The following ADTRP variants were observed in gnomAD, a reference collection of about 807,000 sequenced individuals.
ADTRP encodes the protein androgen-dependent TFPI-regulating protein.
ADTRP carries 20 observed loss-of-function variants against 27.0 expected under a neutral mutation model. The ratio of observed to expected loss-of-function variants is 0.74; its 90% confidence interval spans 0.52 to 1.08. The LOEUF (loss-of-function observed/expected upper bound fraction) is 1.08, where lower values mean the gene tolerates loss of function less well. Ranked by LOEUF, ADTRP falls within the 50% of genes least tolerant of loss-of-function variation. The pLI is 0.00. For missense variants in ADTRP, 251 were observed against 275.0 expected, an observed-to-expected ratio of 0.91 and a Z score of 0.62; for synonymous variants, 101 against 105.2, an observed-to-expected ratio of 0.96 and a Z score of 0.25.
At chr6:11,768,226 A>G in intron 2 of ADTRP, 23 bp downstream of exon 2, 1 of 1,613,804 alleles carries the variant, frequency 6.2e-7, no homozygotes, top group Non-Finnish European at 8.5e-7. Context: ...CTGTTAGATT[A>G]TGTACACATC....
At chr6:11,718,818 C>A (rs557073533) in intron 5 of ADTRP, among the ~76,000 whole-genome samples, 3 of 152,318 alleles carry the variant, frequency 2.0e-5, no homozygotes, top group East Asian at 1.9e-4. Flanking sequence ...CCCTGAGGAA[C>A]CTCTTGTGAG....
chr6:11,743,736 A>G lies in ADTRP; in HGVS notation c.391-8053T>C, dbSNP rs554682479. On this transcript the variant is annotated intron_variant, in intron 3 of 5. Transcript: ENST00000414691. ...CTGGCCACTTAACATCAGTGACATT[A>G]ATGAACGAATCAATGAAACAAAGTG... is the stretch of plus-strand genomic sequence containing the variant. Among the ~76,000 whole-genome samples the G allele has an allele frequency of 1.4e-4, 22 of 152,322 alleles. No individual in the cohort carries two copies. The South Asian group carries it at 1.4e-3, about 10-fold the overall frequency.
intron 3 of ADTRP, among the ~76,000 whole-genome samples, chr6:11,760,925 G>A (rs1438492427): frequency 2.0e-5 from 3 of 152,138 alleles, no homozygotes; most frequent in Non-Finnish European, 4.4e-5. Flanking sequence ...TGTCCCTGAA[G>A]AGGTGACTTT....
chr6:11,725,691 A>G (rs1220255869), intron 4 of ADTRP, among the ~76,000 whole-genome samples: 1 of 152,144 alleles, frequency 6.6e-6, no homozygotes, highest in Admixed American at 6.5e-5. Context: ...TACACACCCA[A>G]AAGAACTGAA....
In ADTRP at chr6:11,745,102, G is replaced by C. The variant is rs210928; in HGVS notation, c.391-9419C>G. ...TCTAAAGGGATGTGCAGGCTGTTTT[G>C]TGAGAATGGCATCTACTCATTGGTG... On this transcript the variant is annotated intron_variant, in intron 3 of 5. Coordinates refer to ENST00000414691, the MANE Select transcript of ADTRP (RefSeq NM_032744.4). Among the ~76,000 whole-genome samples, 919 of 152,202 alleles carry C rather than the reference G, an allele frequency of 6.0e-3. 27 individuals carry two copies. The highest frequency in any genetic ancestry group is 0.043 in the Admixed American group (663 of 15,288).
chr6:11,734,717 C>G (rs957852349), intron 4 of ADTRP, among the ~76,000 whole-genome samples: 1 of 152,158 alleles, frequency 6.6e-6, no homozygotes, highest in African/African-American at 2.4e-5. Flanking sequence ...CTCTCTCTCT[C>G]TCTCTCTGCG....
intron 3 of ADTRP, 89 bp downstream of exon 3, chr6:11,766,185 G>T: frequency 1.1e-6 from 1 of 952,196 alleles, no homozygotes; most frequent in Non-Finnish European, 1.6e-6. Context: ...TGGGAATTGA[G>T]ACATTTGGAA....
chr6:11,770,212 G>A (rs749250517), intron 1 of ADTRP: 34 of 833,336 alleles, frequency 4.1e-5, no homozygotes, highest in Admixed American at 2.1e-4. Context: ...ACAAACCACC[G>A]CTGCCTGGTT....
intron 3 of ADTRP, among the ~76,000 whole-genome samples, chr6:11,753,531 CTGA>C (rs1305104301): frequency 2.0e-5 from 3 of 152,130 alleles, no homozygotes; most frequent in African/African-American, 7.2e-5. Context: ...TTCTGTGATC[CTGA>C]TGATATTTTA....
intron 1 of ADTRP, among the ~76,000 whole-genome samples, chr6:11,775,487 T>C (rs999999500): frequency 5.3e-5 from 8 of 151,830 alleles, no homozygotes; most frequent in African/African-American, 9.7e-5. Context: ...ATCCCAGAGA[T>C]CGCAATTGTA....
intron 3 of ADTRP, among the ~76,000 whole-genome samples, chr6:11,763,519 C>A (rs902447202): frequency 6.6e-6 from 1 of 152,138 alleles, no homozygotes; most frequent in Non-Finnish European, 1.5e-5. Context: ...CAGGGCCAGC[C>A]CCATGCAGAG....
intron 3 of ADTRP, among the ~76,000 whole-genome samples, chr6:11,762,772 G>A (rs967154522): frequency 6.6e-6 from 1 of 152,198 alleles, no homozygotes; most frequent in African/African-American, 2.4e-5. Flanking sequence ...AAGGGGCTCT[G>A]AGGAGTTCTC....
intron 2 of ADTRP, among the ~76,000 whole-genome samples, 155 bp downstream of exon 2, chr6:11,768,094 C>T (rs1158023801): frequency 2.0e-5 from 3 of 152,224 alleles, no homozygotes; most frequent in Admixed American, 1.3e-4. Flanking sequence ...CCTAAAGACA[C>T]TGGGCAATGT....
intron 4 of ADTRP, among the ~76,000 whole-genome samples, chr6:11,731,584 G>A (rs995214738): frequency 6.6e-5 from 10 of 152,106 alleles, no homozygotes; most frequent in Admixed American, 4.6e-4. Flanking sequence ...TTGCTCTCAC[G>A]CTTTCTGCAC....
intron 3 of ADTRP, among the ~76,000 whole-genome samples, chr6:11,760,188 A>G (rs1259349850): frequency 2.6e-5 from 4 of 152,172 alleles, no homozygotes; most frequent in Admixed American, 2.6e-4. Flanking sequence ...TTTACTGCTT[A>G]TCTTCCCCAC....
At chr6:11,750,158 T>C (rs1043364881) in intron 3 of ADTRP, among the ~76,000 whole-genome samples, 1 of 152,098 alleles carries the variant, frequency 6.6e-6, no homozygotes, top group Non-Finnish European at 1.5e-5. Flanking sequence ...TAAAAGAGGT[T>C]GGGAAATTGG....
At chr6:11,749,246 C>T (rs554553648) in intron 3 of ADTRP, among the ~76,000 whole-genome samples, 23 of 152,150 alleles carry the variant, frequency 1.5e-4, no homozygotes, top group African/African-American at 5.5e-4. Context: ...GATGATGGTT[C>T]CATTTCCTGA....
intron 3 of ADTRP, among the ~76,000 whole-genome samples, chr6:11,756,755 C>T (rs1001930835): frequency 1.3e-5 from 2 of 152,148 alleles, no homozygotes; most frequent in Admixed American, 1.3e-4. Flanking sequence ...AGAGAAAACA[C>T]AGGTTTATGA....
chr6:11,775,782 G>C (rs548686215), intron 1 of ADTRP, among the ~76,000 whole-genome samples: 1 of 152,320 alleles, frequency 6.6e-6, no homozygotes, highest in East Asian at 1.9e-4. Flanking sequence ...AATGCTCACA[G>C]TGCCAACTGG....
Sources: gnomAD v4.1 joint callset for allele counts (sites outside exome capture counted in the v4.1 genomes callset) on GRCh38, gnomAD v4.1.1 for gene constraint, MANE v1.5 for transcripts, NCBI Gene and HGNC (gene_info 2026-07-23, HGNC 2026-07-21) for gene names.